MCMDC2: variants seen among roughly 807,000 people sequenced by gnomAD.
MCMDC2 encodes the protein minichromosome maintenance domain-containing protein 2.
MCMDC2 carries 54 observed loss-of-function variants against 75.8 expected under a neutral mutation model. The observed-to-expected ratio is 0.71, with a 90% CI of 0.57 to 0.89. The LOEUF (loss-of-function observed/expected upper bound fraction) is 0.89, where lower values mean the gene tolerates loss of function less well. Among genes scored for constraint, MCMDC2 ranks in the 40% least tolerant of loss-of-function variants. The probability of loss-of-function intolerance (pLI) is 0.00; values close to 1 mark genes in which losing one functional copy is unlikely to be tolerated. For missense variants in MCMDC2, 656 were observed against 780.4 expected (o/e 0.84, Z 1.90); for synonymous variants, 249 against 274.6 (o/e 0.91, Z 0.92).
intron 1 of MCMDC2, chr8:66,871,530 T>C (rs889811080): frequency 6.6e-6 from 1 of 152,204 alleles, no homozygotes; most frequent in Admixed American, 6.6e-5. Flanking sequence ...GCCATCCAAC[T>C]TGTAGGAATA....
intron 4 of MCMDC2, among the ~76,000 whole-genome samples, chr8:66,876,820 G>A (rs1811307556): frequency 6.6e-6 from 1 of 151,954 alleles, no homozygotes; most frequent in Non-Finnish European, 1.5e-5. Flanking sequence ...GAGTGCAGTG[G>A]CGCGACCTCG....
At chr8:66,893,417 G>C (rs559962324) in intron 10 of MCMDC2, among the ~76,000 whole-genome samples, 1 of 152,314 alleles carries the variant, frequency 6.6e-6, no homozygotes, top group African/African-American at 2.4e-5. Flanking sequence ...ACATACCTGA[G>C]ATTGGACAAT....
At chr8:66,899,949 G>GCCCA (rs1489454314) in intron 12 of MCMDC2, among the ~76,000 whole-genome samples, 4 of 143,692 alleles carry the variant, frequency 2.8e-5, no homozygotes, top group African/African-American at 2.6e-5. Context: ...TGGTGAAACT[G>GCCCA]TCTCTACTAA....
At chr8:66,918,757 C>T (rs766546701) in intron 14 of MCMDC2, among the ~76,000 whole-genome samples, 9 of 152,068 alleles carry the variant, frequency 5.9e-5, no homozygotes, top group African/African-American at 1.7e-4. Context: ...GGTACCAATG[C>T]GTGTGCACTT....
intron 8 of MCMDC2, 73 bp from the exon 9 acceptor site, chr8:66,883,684 A>C (rs1050636888): frequency 3.9e-6 from 3 of 766,696 alleles, no homozygotes; most frequent in African/African-American, 3.5e-5. Flanking sequence ...TTTTAGATAA[A>C]GGGAGTCAAA....
chr8:66,903,795 G>C (rs1812800403), intron 13 of MCMDC2, among the ~76,000 whole-genome samples: 1 of 152,212 alleles, frequency 6.6e-6, no homozygotes, highest in Non-Finnish European at 1.5e-5. Flanking sequence ...TACATATTCT[G>C]TCCCGGTCAA....
chr8:66,874,001 T>C, intron 1 of MCMDC2, 52 bp from the exon 2 acceptor site: 1 of 566,680 alleles, frequency 1.8e-6, no homozygotes, highest in Non-Finnish European at 2.8e-6. Flanking sequence ...ACTTTAATAA[T>C]TTGTAAAGTC....
intron 7 of MCMDC2, 56 bp downstream of exon 7, chr8:66,878,975 G>C: frequency 9.3e-7 from 1 of 1,076,866 alleles, no homozygotes; most frequent in Non-Finnish European, 1.4e-6. Flanking sequence ...TAATTGGCTG[G>C]GCACAGTGGC....
chr8:66,871,267 C>T (rs1028774520), intron 1 of MCMDC2, among the ~76,000 whole-genome samples: 2 of 152,164 alleles, frequency 1.3e-5, no homozygotes, highest in African/African-American at 4.8e-5. Flanking sequence ...CTGCTTACAT[C>T]TATCAGGGAA....
intron 13 of MCMDC2, among the ~76,000 whole-genome samples, chr8:66,902,284 A>G (rs540273285): frequency 1.1e-4 from 16 of 151,482 alleles, no homozygotes; most frequent in Non-Finnish European, 2.2e-4. Context: ...CCAGCTACTC[A>G]GGAAGCTGAG....
intron 4 of MCMDC2, among the ~76,000 whole-genome samples, chr8:66,876,863 C>G (rs1488886241): frequency 6.6e-6 from 1 of 152,094 alleles, no homozygotes; most frequent in Non-Finnish European, 1.5e-5. Flanking sequence ...CGTGTTCATG[C>G]CATTCTCCTG....
chr8:66,871,426 G>A (rs1811012121), intron 1 of MCMDC2: 2 of 152,128 alleles, frequency 1.3e-5, no homozygotes, highest in South Asian at 4.1e-4. Flanking sequence ...ACTCTTCTGC[G>A]TATTGTAGAC....
rs67943900 is a variant in MCMDC2, at chr8:66,914,283, C to CAA, written c.1880-4700_1880-4699dup. Reference sequence around the variant, plus strand: ...GGGCAACAGAGTAAGACCCTGTATCCAAAAAAAAAAAAAAAAAAAAACTAA... The same window carrying CAA: ...GGGCAACAGAGTAAGACCCTGTATCCAAAAAAAAAAAAAAAAAAAAAAACTAA... On this transcript the variant is annotated intron_variant, in intron 14 of 14. Coordinates refer to ENST00000422365, the MANE Select transcript of MCMDC2 (RefSeq NM_173518.5). Among the ~76,000 whole-genome samples the CAA allele has an allele frequency of 2.2e-3, 190 of 85,656 alleles. 2 individuals carry two copies. Among genetic ancestry groups the CAA allele is most frequent in the East Asian group, 3.3e-3 (9 of 2,748 alleles). The allele number at this position is 85,656 out of a possible 152,430, so 56.2% of individuals were successfully genotyped here. A position where few individuals can be genotyped will look rare whatever the true frequency, so the allele number is the denominator to read the frequency against.
At chr8:66,904,334 A>G (rs1812824235) in intron 13 of MCMDC2, among the ~76,000 whole-genome samples, 1 of 152,188 alleles carries the variant, frequency 6.6e-6, no homozygotes, top group Non-Finnish European at 1.5e-5. Flanking sequence ...GCAATCAAAA[A>G]GTTATCTTTG....
At chr8:66,911,582 G>A (rs1813122959) in intron 14 of MCMDC2, among the ~76,000 whole-genome samples, 1 of 151,376 alleles carries the variant, frequency 6.6e-6, no homozygotes, top group Admixed American at 6.6e-5. Context: ...CTAAAACTTT[G>A]GGGGTCCGAG....
chr8:66,893,993 C>A (rs1191322324), intron 10 of MCMDC2, among the ~76,000 whole-genome samples: 1 of 152,220 alleles, frequency 6.6e-6, no homozygotes, highest in African/African-American at 2.4e-5. Flanking sequence ...GTAAGGAAGT[C>A]CAACGAGATA....
chr8:66,922,776 T>C (rs1365968486), downstream of MCMDC2: 1 of 283,722 alleles, frequency 3.5e-6, no homozygotes, highest in African/African-American at 2.2e-5. Context: ...TGCATTTTGT[T>C]GGGCATCTTA....
intron 14 of MCMDC2, among the ~76,000 whole-genome samples, chr8:66,907,596 G>A (rs1216671638): frequency 6.6e-6 from 1 of 152,126 alleles, no homozygotes; most frequent in African/African-American, 2.4e-5. Flanking sequence ...CCCAGTAATG[G>A]GATTGCTGGG....
chr8:66,896,325 A>G lies in MCMDC2; in HGVS notation c.1435A>G (p.Ile479Val). 6.2e-7 allele frequency: 1 copy of G among 1,606,554 alleles called. No homozygotes were observed. The highest frequency in any genetic ancestry group is 8.5e-7 in the Non-Finnish European group (1 of 1,178,458). ...RRNAQKINTL[I>V]GQMDCSLIPA... The stretch of plus-strand genomic sequence containing the variant: ...AAATGCACAGAAAATCAACACTCTA[A>G]TTGGTCAGATGGTAAGGTATATGTA... Residue 479 changes from isoleucine to valine, a missense_variant, in exon 11 of 15, where the codon ATT (isoleucine) becomes GTT (valine). Coordinates refer to ENST00000422365, the MANE Select transcript of MCMDC2 (RefSeq NM_173518.5).
Sources: gnomAD v4.1 joint callset for allele counts (sites outside exome capture counted in the v4.1 genomes callset) on GRCh38, gnomAD v4.1.1 for gene constraint, MANE v1.5 for transcripts, NCBI Gene and HGNC (gene_info 2026-07-23, HGNC 2026-07-21) for gene names.